SYT1: variants seen among roughly 807,000 people sequenced by gnomAD.
The protein encoded by SYT1 is synaptotagmin 1.
SYT1 carries 8 observed loss-of-function variants against 44.8 expected under a neutral mutation model. The observed-to-expected ratio is 0.18, with a 90% CI of 0.10 to 0.32. The LOEUF is 0.32. SYT1 is among the 10% of genes least tolerant of loss of function. SYT1 has a pLI of 1.00. For synonymous variants in SYT1, 154 were observed against 188.8 expected (o/e 0.82, Z 1.51); for missense variants, 286 against 509.3 (o/e 0.56, Z 4.22).
chr12:79,282,162 C>G (rs1879085619), intron 4 of SYT1, among the ~76,000 whole-genome samples: 1 of 152,178 alleles, frequency 6.6e-6, no homozygotes, highest in South Asian at 2.1e-4. Flanking sequence ...TTCCCCATCT[C>G]AAGATCCTTA....
intron 2 of SYT1, among the ~76,000 whole-genome samples, chr12:79,025,623 T>C (rs1872478794): frequency 6.6e-6 from 1 of 151,612 alleles, no homozygotes; most frequent in Non-Finnish European, 1.5e-5. Flanking sequence ...TGCATATATA[T>C]GATATATGTA....
intron 8 of SYT1, among the ~76,000 whole-genome samples, chr12:79,337,112 G>A (rs968311919): frequency 6.6e-6 from 1 of 152,006 alleles, no homozygotes; most frequent in Non-Finnish European, 1.5e-5. Flanking sequence ...CAGATAGATT[G>A]TGTGCCATCC....
chr12:79,074,781 T>C (rs1490841180), intron 3 of SYT1, among the ~76,000 whole-genome samples: 1 of 152,138 alleles, frequency 6.6e-6, no homozygotes, highest in Non-Finnish European at 1.5e-5. Flanking sequence ...TTGGGCTTCA[T>C]TCAAGCCCAA....
chr12:78,950,540 G>A (rs1354605669), intron 1 of SYT1, among the ~76,000 whole-genome samples: 1 of 152,068 alleles, frequency 6.6e-6, no homozygotes, highest in Non-Finnish European at 1.5e-5. Context: ...TAGAAATTGT[G>A]AGCATTGTTT....
chr12:78,983,853 A>G (rs1213049446), intron 2 of SYT1, among the ~76,000 whole-genome samples: 1 of 152,090 alleles, frequency 6.6e-6, no homozygotes, highest in Non-Finnish European at 1.5e-5. Flanking sequence ...TCTATAACTT[A>G]GGGAACTTAA....
At chr12:79,289,608 C>T (rs1448842930) in intron 5 of SYT1, among the ~76,000 whole-genome samples, 1 of 152,074 alleles carries the variant, frequency 6.6e-6, no homozygotes, top group African/African-American at 2.4e-5. Flanking sequence ...TGGGCTGAAA[C>T]ATGATACATA....
chr12:79,086,615 G>T (rs1336127024), intron 3 of SYT1, among the ~76,000 whole-genome samples: 3 of 152,292 alleles, frequency 2.0e-5, no homozygotes, highest in Non-Finnish European at 2.9e-5. Flanking sequence ...TTGTAAAGAT[G>T]ATCCTAACAG....
rs113061785 is a variant in SYT1 at position 79,085,017 on chromosome 12, A to G, written c.-18+37655A>G. Among the ~76,000 whole-genome samples the G allele has an allele frequency of 1.3e-3, 203 of 152,290 alleles. 2 individuals are homozygous for G. In the Middle Eastern group the frequency reaches 0.017, roughly 13 times the overall value. ...TATATTTCATAGAGTACTTATACAC[A>G]TGACCTGAAGATAATTTTATACAAT... On this transcript the variant is annotated intron_variant, in intron 3 of 10. Coordinates refer to ENST00000261205, the MANE Select transcript of SYT1 (RefSeq NM_005639.3).
At chr12:79,230,682 G>A (rs1565865863) in intron 4 of SYT1, among the ~76,000 whole-genome samples, 1 of 152,040 alleles carries the variant, frequency 6.6e-6, no homozygotes, top group Non-Finnish European at 1.5e-5. Flanking sequence ...CTTGGATTTT[G>A]TTTTATAAAC....
chr12:79,262,928 A>G (rs1437584962), intron 4 of SYT1, among the ~76,000 whole-genome samples: 1 of 152,224 alleles, frequency 6.6e-6, no homozygotes, highest in Non-Finnish European at 1.5e-5. Flanking sequence ...TAGAAAAGAG[A>G]AAACCGAGGC....
intron 1 of SYT1, among the ~76,000 whole-genome samples, chr12:78,916,503 T>A (rs894131110): frequency 1.3e-5 from 2 of 152,038 alleles, no homozygotes; most frequent in Non-Finnish European, 2.9e-5. Flanking sequence ...TATTTCTCTC[T>A]TATCCTACTT....
chr12:79,118,386 G>C (rs2080179366), intron 3 of SYT1, among the ~76,000 whole-genome samples: 1 of 152,164 alleles, frequency 6.6e-6, no homozygotes, highest in South Asian at 2.1e-4. Context: ...CATTTTTCAA[G>C]TGTAACATTA....
chr12:79,045,168 T>C, intron 2 of SYT1, among the ~76,000 whole-genome samples: 1 of 152,180 alleles, frequency 6.6e-6, no homozygotes, highest in Admixed American at 6.5e-5. Context: ...GCTTCCCGGC[T>C]GCTTTGTTTA....
chr12:79,230,509 A>T (rs1165521109), intron 4 of SYT1, among the ~76,000 whole-genome samples: 1 of 152,026 alleles, frequency 6.6e-6, no homozygotes, highest in Admixed American at 6.5e-5. Context: ...TTTGAGACAG[A>T]AAAAAAGGAA....
Position 79,264,223 on chromosome 12 carries a change from A to G in SYT1, c.167-21564A>G, listed in dbSNP as rs574684852. 6.5e-4 allele frequency among the ~76,000 whole-genome samples: 98 copies of G among 150,354 alleles called. 1 individual carries two copies. Among genetic ancestry groups the G allele is most frequent in the African/African-American group, 2.4e-3 (96 of 40,704 alleles). On this transcript the variant is annotated intron_variant, in intron 4 of 10. Coordinates refer to ENST00000261205, the MANE Select transcript of SYT1 (RefSeq NM_005639.3). Reference sequence around the variant, plus strand: ...TGAGATGGAGTCTCCTGTGTCACCCAAGCTGGAGTGCAGTGGTGTGCTCTC... The same window carrying G: ...TGAGATGGAGTCTCCTGTGTCACCCGAGCTGGAGTGCAGTGGTGTGCTCTC...
At chr12:79,103,336 A>G (rs1878539303) in intron 3 of SYT1, among the ~76,000 whole-genome samples, 1 of 152,202 alleles carries the variant, frequency 6.6e-6, no homozygotes, top group African/African-American at 2.4e-5. Context: ...AACTTAAAAT[A>G]AATAAAAGTG....
At chr12:78,961,512 A>G (rs2137340948) in intron 1 of SYT1, among the ~76,000 whole-genome samples, 1 of 152,252 alleles carries the variant, frequency 6.6e-6, no homozygotes, top group Admixed American at 6.5e-5. Flanking sequence ...TGTCTTCATG[A>G]AAATTGATCA....
chr12:79,403,161 A>G (rs560719738), intron 9 of SYT1, among the ~76,000 whole-genome samples: 1 of 152,316 alleles, frequency 6.6e-6, no homozygotes, highest in South Asian at 2.1e-4. Context: ...TTCATAAGGA[A>G]AGATGTATCT....
chr12:79,410,413 C>G (rs1164619860), intron 9 of SYT1, among the ~76,000 whole-genome samples: 1 of 145,394 alleles, frequency 6.9e-6, no homozygotes, highest in Non-Finnish European at 1.5e-5. Flanking sequence ...GTTTGTGTTT[C>G]TGGTTGGGCC....
Sources: gnomAD v4.1 joint callset for allele counts (sites outside exome capture counted in the v4.1 genomes callset) on GRCh38, gnomAD v4.1.1 for gene constraint, MANE v1.5 for transcripts, NCBI Gene and HGNC (gene_info 2026-07-23, HGNC 2026-07-21) for gene names.